The following NTM variants were observed in gnomAD, a reference collection of about 807,000 sequenced individuals.
NTM encodes the protein IgLON family member 2.
Under a neutral mutation model 42.1 loss-of-function variants are expected in NTM, and 13 were observed. The observed-to-expected ratio is 0.31, with a 90% CI of 0.20 to 0.49. The LOEUF is 0.49. Ranked by LOEUF, NTM falls within the 20% of genes least tolerant of loss-of-function variation. The pLI is 0.99. For missense variants in NTM, 373 were observed against 452.8 expected, an observed-to-expected ratio of 0.82 and a Z score of 1.60; for synonymous variants, 187 against 179.2, an observed-to-expected ratio of 1.04 and a Z score of -0.35.
intron 8 of NTM, 90 bp downstream of exon 8, chr11:132,330,275 C>T: frequency 2.1e-6 from 3 of 1,430,116 alleles, no homozygotes; most frequent in Non-Finnish European, 2.9e-6. Context: ...CTTTCCTGAG[C>T]TAACTCCAGG....
At chr11:131,720,168 A>G (rs1036365638) in intron 1 of NTM, among the ~76,000 whole-genome samples, 6 of 152,236 alleles carry the variant, frequency 3.9e-5, no homozygotes, top group Non-Finnish European at 5.9e-5. Flanking sequence ...GTACACATAC[A>G]TTGTGCCAGG....
chr11:132,252,957 G>C (rs190197652), intron 4 of NTM, among the ~76,000 whole-genome samples: 103 of 152,304 alleles, frequency 6.8e-4, no homozygotes, highest in Non-Finnish European at 5.4e-4. Flanking sequence ...CCCCAGACTT[G>C]TGTGACAAAG....
chr11:132,187,266 A>C (rs1477168718), intron 3 of NTM, among the ~76,000 whole-genome samples: 1 of 150,498 alleles, frequency 6.6e-6, no homozygotes, highest in East Asian at 2.0e-4. Context: ...TGTTTTAAGG[A>C]TTGAATGCCC....
rs114494970 is a variant in NTM at position 131,763,969 on chromosome 11, A to T, written c.83-147595A>T. 5.8e-3 allele frequency among the ~76,000 whole-genome samples: 888 copies of T among 152,026 alleles called. 7 individuals carry two copies. The highest frequency in any genetic ancestry group is 0.018 in the African/African-American group (764 of 41,512). On this transcript the variant is annotated intron_variant, in intron 1 of 8. Coordinates refer to ENST00000683400, the MANE Select transcript of NTM (RefSeq NM_001352005.2). Reference sequence around the variant, plus strand: ...TATGTAACTCTGCAATTCTGCAACGATTATTTCTATTTGTTTAATTACATA... The same window carrying T: ...TATGTAACTCTGCAATTCTGCAACGTTTATTTCTATTTGTTTAATTACATA...
At chr11:131,658,484 C>T (rs2134426917) in intron 1 of NTM, among the ~76,000 whole-genome samples, 1 of 152,322 alleles carries the variant, frequency 6.6e-6, no homozygotes, top group East Asian at 1.9e-4. Context: ...ATGGACACGT[C>T]ACTATGCTGA....
At chr11:131,586,977 A>C (rs1394823728) in intron 1 of NTM, among the ~76,000 whole-genome samples, 3 of 152,282 alleles carry the variant, frequency 2.0e-5, no homozygotes, top group East Asian at 3.9e-4. Flanking sequence ...TTAAAAAATA[A>C]GTGATGCTCA....
At chr11:132,261,655 A>G (rs2092862662) in intron 4 of NTM, among the ~76,000 whole-genome samples, 1 of 152,248 alleles carries the variant, frequency 6.6e-6, no homozygotes, top group Non-Finnish European at 1.5e-5. Context: ...CCGTGCCAGC[A>G]CAATGGAAGA....
chr11:131,914,194 G>T (rs948903692), intron 2 of NTM, among the ~76,000 whole-genome samples: 2 of 152,168 alleles, frequency 1.3e-5, no homozygotes, highest in South Asian at 2.1e-4. Flanking sequence ...CTGACTGTAG[G>T]TTGCAACCAT....
chr11:131,704,965 C>A (rs1236550850), intron 1 of NTM, among the ~76,000 whole-genome samples: 1 of 151,978 alleles, frequency 6.6e-6, no homozygotes, highest in East Asian at 1.9e-4. Context: ...GTGACAAAAC[C>A]CTCTAGGACT....
At position 132,273,309 on chromosome 11, in the gene NTM, G is replaced by GTTTTTTTTTTT. The variant is rs57877862; in HGVS notation, c.527-34364_527-34354dup. ...TTGTTGCCAGGTTTTGTTGACTAGT[G>GTTTTTTTTTTT]TTTTTTTTTTTTTTTTTTTTTTTTT... On this transcript the variant is annotated intron_variant, in intron 4 of 8. Transcript: ENST00000683400. Among the ~76,000 whole-genome samples the GTTTTTTTTTTT allele has an allele frequency of 3.6e-5, 2 of 55,656 alleles. 1 individual carries two copies. Among genetic ancestry groups the GTTTTTTTTTTT allele is most frequent in the Non-Finnish European group, 5.8e-5 (2 of 34,378 alleles). The allele number at this position is 55,656 out of a possible 152,430, so 36.5% of individuals were successfully genotyped here.
chr11:131,764,618 G>C (rs1279226613), intron 1 of NTM, among the ~76,000 whole-genome samples: 1 of 152,018 alleles, frequency 6.6e-6, no homozygotes, highest in Non-Finnish European at 1.5e-5. Context: ...TCAAAAAAGG[G>C]GATAATTATA....
chr11:132,170,404 A>T (rs915684474), intron 3 of NTM, among the ~76,000 whole-genome samples: 1 of 152,210 alleles, frequency 6.6e-6, no homozygotes, highest in African/African-American at 2.4e-5. Flanking sequence ...CTACCTATTC[A>T]TCTAGGTCTT....
At chr11:132,104,550 G>A (rs984584930) in intron 2 of NTM, among the ~76,000 whole-genome samples, 2 of 148,826 alleles carry the variant, frequency 1.3e-5, no homozygotes, top group African/African-American at 2.5e-5. Context: ...CCAGGATTCC[G>A]AGACCAGCCT....
chr11:132,306,438 C>A (rs1286018112), intron 4 of NTM: 2 of 152,206 alleles, frequency 1.3e-5, no homozygotes, highest in Non-Finnish European at 2.9e-5. Context: ...TGCCTCCAAC[C>A]AGATTATAGG....
Position 132,232,132 on chromosome 11 carries a change from G to T in NTM, c.526+19985G>T, listed in dbSNP as rs545304518. Among the ~76,000 whole-genome samples the T allele has an allele frequency of 6.6e-5, 10 of 152,354 alleles. No individual in the cohort carries two copies. The South Asian group carries it at 2.1e-3, about 32-fold the overall frequency. ...CCTGCGTCTCGCCTGGGAGAGCTCT[G>T]CAGCTGGAGAGTGCTGAGAAGTCAG... is the stretch of plus-strand genomic sequence containing the variant. On this transcript the variant is annotated intron_variant, in intron 4 of 8. Coordinates refer to ENST00000683400, the MANE Select transcript of NTM (RefSeq NM_001352005.2).
intron 4 of NTM, among the ~76,000 whole-genome samples, chr11:132,225,255 C>T (rs2085972356): frequency 6.6e-6 from 1 of 151,478 alleles, no homozygotes; most frequent in Admixed American, 6.6e-5. Flanking sequence ...AGGCAATATT[C>T]AATAAATAAA....
intron 1 of NTM, among the ~76,000 whole-genome samples, chr11:131,884,101 T>C (rs1014670415): frequency 6.6e-6 from 1 of 152,202 alleles, no homozygotes; most frequent in African/African-American, 2.4e-5. Flanking sequence ...AGAGTCCCCA[T>C]GTTATGGATA....
chr11:131,830,315 T>A (rs1218344845), intron 1 of NTM, among the ~76,000 whole-genome samples: 1 of 152,176 alleles, frequency 6.6e-6, no homozygotes, highest in African/African-American at 2.4e-5. Context: ...TTACATTTAA[T>A]CTTTAATCCT....
intron 3 of NTM, among the ~76,000 whole-genome samples, chr11:132,148,796 T>A (rs1039080388): frequency 6.6e-6 from 1 of 151,886 alleles, no homozygotes; most frequent in African/African-American, 2.4e-5. Context: ...GACGGCTGGG[T>A]GTTTTTGGGG....
Sources: gnomAD v4.1 joint callset for allele counts (sites outside exome capture counted in the v4.1 genomes callset) on GRCh38, gnomAD v4.1.1 for gene constraint, MANE v1.5 for transcripts, NCBI Gene and HGNC (gene_info 2026-07-23, HGNC 2026-07-21) for gene names.